DGKK: variants seen among roughly 807,000 people sequenced by gnomAD.
DGKK encodes the protein 142 kDa diacylglycerol kinase.
A neutral mutation model predicts 92.2 loss-of-function variants in DGKK; 35 were observed. The ratio of observed to expected loss-of-function variants is 0.38; its 90% CI spans 0.29 to 0.50. The LOEUF (loss-of-function observed/expected upper bound fraction) is 0.50, where lower values mean the gene tolerates loss of function less well. Ranked by LOEUF, DGKK falls within the 20% of genes least tolerant of loss-of-function variation. The pLI, the probability that DGKK is intolerant of heterozygous loss-of-function variation, is 0.92. For missense variants in DGKK, 910 were observed against 992.2 expected (o/e 0.92, Z 1.11); for synonymous variants, 368 against 360.6 (o/e 1.02, Z -0.23).
intron 1 of DGKK, among the ~76,000 whole-genome samples, chrX:50,439,546 G>C (rs1411230509): frequency 9.0e-6 from 1 of 111,090 alleles, no homozygotes; most frequent in African/African-American, 3.3e-5. Flanking sequence ...CACAAGTCTT[G>C]TCAAGTATAA....
chrX:50,450,042 C>T (rs1480956193), intron 1 of DGKK, among the ~76,000 whole-genome samples: 2 of 111,569 alleles, frequency 1.8e-5, no homozygotes, highest in Non-Finnish European at 3.8e-5. Flanking sequence ...ATTGTGGTCA[C>T]TATCTTCCAT....
At chrX:50,426,954 A>G (rs1215838926) in intron 1 of DGKK, among the ~76,000 whole-genome samples, 1 of 111,799 alleles carries the variant, frequency 8.9e-6, no homozygotes, top group Non-Finnish European at 1.9e-5. Context: ...TTCTTACAAA[A>G]TCAAACATAC....
At position 50,422,464 on chromosome X, in the gene DGKK, G is replaced by T. The variant is rs1415165968; in HGVS notation, c.819C>A (p.Asn273Lys). Reference sequence around the variant, plus strand: ...TACTTACACAAAAACTGTGGCAAAGGTTTCTACAGCTGCTTTCTGCCACAG... The same window carrying T: ...TACTTACACAAAAACTGTGGCAAAGTTTTCTACAGCTGCTTTCTGCCACAG... The part of the protein sequence containing the change: ...QATVAESSCR[N>K]LCHSFCVITP... Residue 273 changes from asparagine to lysine, a missense_variant, in exon 3 of 28, where the codon AAC becomes AAA. By Grantham distance (94) the Asn-to-Lys change is moderately conservative. Transcript: ENST00000611977. The T allele has an allele frequency of 6.7e-6, 8 of 1,202,341 alleles. No homozygotes were observed. The highest frequency in any genetic ancestry group is 3.5e-5 in the African/African-American group (2 of 56,838).
At chrX:50,438,983 C>G (rs1253607525) in intron 1 of DGKK, among the ~76,000 whole-genome samples, 1 of 111,571 alleles carries the variant, frequency 9.0e-6, no homozygotes, top group Non-Finnish European at 1.9e-5. Flanking sequence ...GCATAAAACT[C>G]TCTGGGTAAA....
At position 50,470,486 on chromosome X, in the gene DGKK, G is replaced by C; in HGVS notation, c.193C>G (p.Pro65Ala). ...GATTCTGAGGTCGCCTCTGGACAGG[G>C]ACCTGGAGCAAGCTCTGGACAGGGC... Reference protein sequence around the residue: ...PEPCPELAPGPCPEATSESAT... With the variant: ...PEPCPELAPGACPEATSESAT... The change falls in exon 1 of 28, where the codon CCC becomes GCC. Residue 65 changes from proline (P) to alanine (A), a missense_variant. Physicochemically the swap from Pro to Ala is conservative, Grantham distance 27. Transcript: ENST00000611977. The C allele has an allele frequency of 8.2e-7, 1 of 1,212,418 alleles. No individual in the cohort carries two copies.
intron 1 of DGKK, among the ~76,000 whole-genome samples, chrX:50,452,842 C>A (rs902881525): frequency 8.9e-4 from 99 of 111,392 alleles, no homozygotes; most frequent in African/African-American, 3.0e-3. Flanking sequence ...AGATTTATCT[C>A]AAATCACAAA....
In DGKK at chrX:50,393,467, A is replaced by G. The variant is rs929442796; in HGVS notation, c.1412-132T>C. On this transcript the variant is annotated intron_variant, in intron 8 of 27. Coordinates refer to ENST00000611977, the MANE Select transcript of DGKK (RefSeq NM_001013742.4). ...TCAGTCTTTTGAAAATGAGGAGCAGAGGAAAAGTCAAGATACCACCCAGAG... is the reference window on the plus strand; with the variant it reads ...TCAGTCTTTTGAAAATGAGGAGCAGGGGAAAAGTCAAGATACCACCCAGAG... The G allele has an allele frequency of 3.1e-5, 16 of 518,563 alleles. No individual in the cohort carries two copies. The South Asian group carries it at 3.7e-4, about 12-fold the overall frequency. The allele number at this position is 518,563 out of a possible 1,213,427, so 42.7% of individuals were successfully genotyped here. A position where few individuals can be genotyped will look rare whatever the true frequency, so the allele number is the denominator to read the frequency against.
intron 8 of DGKK, 53 bp downstream of exon 8, chrX:50,400,984 G>T: frequency 9.3e-7 from 1 of 1,075,503 alleles, no homozygotes; most frequent in Non-Finnish European, 1.3e-6. Context: ...CCCAGCCTTT[G>T]CACCTTCCCT....
At chrX:50,369,772 C>T (rs1335624087) in intron 27 of DGKK, among the ~76,000 whole-genome samples, 3 of 111,358 alleles carry the variant, frequency 2.7e-5, no homozygotes, top group Non-Finnish European at 5.7e-5. Context: ...CCACGTTGCC[C>T]AGGCTGGTCT....
chrX:50,378,005 T>C (rs1438877922), intron 22 of DGKK, 93 bp downstream of exon 22: 9 of 1,054,530 alleles, frequency 8.5e-6, no homozygotes, highest in Non-Finnish European at 1.1e-5. Flanking sequence ...ACAGACCTCC[T>C]TTTGAGGAAT....
chrX:50,380,136 A>G (rs1924380284), intron 18 of DGKK, 59 bp from the exon 19 acceptor site: 1 of 976,486 alleles, frequency 1.0e-6, no homozygotes, highest in East Asian at 3.1e-5. Context: ...TAAATGGTGG[A>G]AAAAGACAGG....
intron 1 of DGKK, among the ~76,000 whole-genome samples, chrX:50,441,073 A>G (rs1475342307): frequency 9.0e-6 from 1 of 111,498 alleles, no homozygotes; most frequent in Admixed American, 9.5e-5. Flanking sequence ...TCTCACCTAG[A>G]GACATGGTGA....
Position 50,388,621 on chromosome X carries a change from A to G in DGKK, c.1927-3T>C, listed in dbSNP as rs782474558. 59 of 1,180,371 alleles carry G rather than the reference A, an allele frequency of 5.0e-5. No homozygotes were observed. The highest frequency in any genetic ancestry group is 6.1e-5 in the Non-Finnish European group (53 of 873,129). The stretch of plus-strand genomic sequence containing the variant: ...TCTAAGTGTTGGATGGCAGCAGCCT[A>G]GGGGCAAAAGGAGTTCTTAGCCCTG... On this transcript the variant is annotated splice_region_variant and splice_polypyrimidine_tract_variant and intron_variant, in intron 12 of 27. Coordinates refer to ENST00000611977, the MANE Select transcript of DGKK (RefSeq NM_001013742.4).
At chrX:50,382,231 T>C (rs1466636419) in intron 18 of DGKK, among the ~76,000 whole-genome samples, 2 of 112,482 alleles carry the variant, frequency 1.8e-5, no homozygotes, top group African/African-American at 6.5e-5. Flanking sequence ...ACATAATCTG[T>C]TGTCAGTAAC....
intron 8 of DGKK, among the ~76,000 whole-genome samples, chrX:50,400,043 C>T (rs957581701): frequency 9.0e-6 from 1 of 111,656 alleles, no homozygotes; most frequent in Admixed American, 9.5e-5. Flanking sequence ...GATACTTAGG[C>T]CCTTCACATA....
rs1602267561 is a variant in DGKK, at chrX:50,378,235, G to A, written c.2977-3C>T. On this transcript the variant is annotated splice_polypyrimidine_tract_variant and splice_region_variant and intron_variant, in intron 21 of 27. Coordinates refer to ENST00000611977, the MANE Select transcript of DGKK (RefSeq NM_001013742.4). Reference sequence around the variant, plus strand: ...ATGGTTATCATCACCTCATGGCACTGCCAGAGAAAATGAGGAAGAATGGGA... The same window carrying A: ...ATGGTTATCATCACCTCATGGCACTACCAGAGAAAATGAGGAAGAATGGGA... 8.3e-7 allele frequency: 1 copy of A among 1,206,861 alleles called. No individual in the cohort carries two copies. The highest frequency in any genetic ancestry group is 1.1e-6 in the Non-Finnish European group (1 of 893,423).
chrX:50,463,321 C>G (rs1557233598), intron 1 of DGKK, among the ~76,000 whole-genome samples: 1 of 87,029 alleles, frequency 1.1e-5, no homozygotes, highest in African/African-American at 4.3e-5. Context: ...TCTCCCCTTT[C>G]TTTTTCCCTC....
At chrX:50,437,496 T>C (rs1356549439) in intron 1 of DGKK, among the ~76,000 whole-genome samples, 2 of 112,268 alleles carry the variant, frequency 1.8e-5, no homozygotes, top group Non-Finnish European at 3.8e-5. Context: ...GGCCACTAAC[T>C]ACAGTAATCA....
At chrX:50,396,613 G>A (rs1924860908) in intron 8 of DGKK, among the ~76,000 whole-genome samples, 1 of 111,415 alleles carries the variant, frequency 9.0e-6, no homozygotes, top group Admixed American at 9.6e-5. Context: ...AACCTCATCT[G>A]TGGATGGGAA....
Sources: allele counts gnomAD v4.1 joint callset (sites outside exome capture counted in the v4.1 genomes callset), GRCh38; gene constraint gnomAD v4.1.1; transcripts MANE v1.5; gene names NCBI Gene and HGNC (gene_info 2026-07-23, HGNC 2026-07-21).